Variants in PCDHGA11 observed in about 807,000 individuals in gnomAD.
The protein encoded by PCDHGA11 is protocadherin gamma subfamily A, 11.
In PCDHGA11, 39 loss-of-function variants were observed where a neutral mutation model predicts 60.4. That is an observed-to-expected ratio of 0.65 (90% CI 0.50 to 0.84). The LOEUF (loss-of-function observed/expected upper bound fraction) is 0.84. Among genes scored for constraint, PCDHGA11 ranks in the 40% least tolerant of loss-of-function variants. PCDHGA11 has a pLI of 0.00. For missense variants in PCDHGA11, 1,165 were observed against 1,197.7 expected (o/e 0.97, Z 0.40); for synonymous variants, 533 against 510.3 (o/e 1.04, Z -0.60).
intron 3 of PCDHGA11, among the ~76,000 whole-genome samples, chr5:141,509,419 T>C (rs2154594533): frequency 6.6e-6 from 1 of 152,216 alleles, no homozygotes; most frequent in South Asian, 2.1e-4. Flanking sequence ...CGAGCCCCAA[T>C]GAGTCAAACT....
Position 141,504,710 on chromosome 5 carries a change from G to A in PCDHGA11, c.2493-683G>A, listed in dbSNP as rs528205869. The stretch of plus-strand genomic sequence containing the variant: ...AGGAGGGGCAGGTTCTTCTATGGCC[G>A]TGGATTTTACTCTGAGGGCTTAGGA... On this transcript the variant is annotated intron_variant, in intron 2 of 3. Transcript: ENST00000398587. Among the ~76,000 whole-genome samples the A allele has an allele frequency of 1.4e-4, 21 of 151,968 alleles. No homozygotes were observed. The East Asian group carries it at 3.7e-3, about 27-fold the overall frequency.
At chr5:141,433,028 G>C in intron 1 of PCDHGA11, 1 of 1,614,116 alleles carries the variant, frequency 6.2e-7, no homozygotes, top group Non-Finnish European at 8.5e-7. Context: ...TTCCCACGAG[G>C]TTTCCCTCAC....
rs950537869 is a variant in PCDHGA11, at chr5:141,432,150, A to G, written c.2433+8490A>G. 6.2e-7 allele frequency: 1 copy of G among 1,614,010 alleles called. No homozygotes were observed. On this transcript the variant is annotated intron_variant, in intron 1 of 3. Coordinates refer to ENST00000398587, the MANE Select transcript of PCDHGA11 (RefSeq NM_018914.3). The surrounding 1 kb of genome is among the most constrained non-coding windows in gnomAD (Gnocchi z 6.0). ...TCCTATTCCGCTTATATCCCAGAGA[A>G]CAATCCCAGAGGAGTTTCCCTCGTC...
rs771088007 is a variant in PCDHGA11 at position 141,423,000 on chromosome 5, G to T, written c.1773G>T (p.Lys591Asn). Residue 591 changes from lysine to asparagine, a missense_variant, in exon 1 of 4, where the codon AAG becomes AAT. Coordinates refer to ENST00000398587, the MANE Select transcript of PCDHGA11 (RefSeq NM_018914.3). ...CGGAACCTGGCTACCTGGTGACCAA[G>T]GTGGTTGCGGTGGACAAAGATTCAG... ...RSAEPGYLVT[K>N]VVAVDKDSGQ... The T allele has an allele frequency of 2.5e-6, 4 of 1,614,116 alleles. No individual in the cohort carries two copies. The African/African-American group carries it at 5.3e-5, about 22-fold the overall frequency.
At chr5:141,455,160 G>GT (rs59530096) in intron 1 of PCDHGA11, among the ~76,000 whole-genome samples, 26,536 of 149,098 alleles carry the variant, frequency 0.18, 2,386 homozygotes, top group South Asian at 0.23. Flanking sequence ...TAGTTTGTTG[G>GT]TTTTTTTTTT....
intron 2 of PCDHGA11, among the ~76,000 whole-genome samples, chr5:141,496,500 C>T (rs1350421492): frequency 6.6e-6 from 1 of 152,162 alleles, no homozygotes; most frequent in Non-Finnish European, 1.5e-5. Flanking sequence ...ACCCTTGTTG[C>T]CACAAGGACC....
At chr5:141,435,435 T>G (rs2097763289) in intron 1 of PCDHGA11, among the ~76,000 whole-genome samples, 1 of 152,212 alleles carries the variant, frequency 6.6e-6, no homozygotes. Context: ...TGTTATGCAT[T>G]TCATTAATAC....
rs2099883868 is a variant in PCDHGA11 at position 141,511,590 on chromosome 5, A to G, written c.*417A>G. On this transcript the variant is annotated 3_prime_UTR_variant, in exon 4 of 4. Transcript: ENST00000398587. The stretch of plus-strand genomic sequence containing the variant: ...AGTAAGGTGGTTGGGGTGTTGAAGT[A>G]CCAAGTAACCTACAAGCCTCCTAGT... 3.7e-6 allele frequency: 1 copy of G among 267,908 alleles called. No individual in the cohort carries two copies. The highest frequency in any genetic ancestry group is 7.4e-6 in the Non-Finnish European group (1 of 135,038). 16.6% of individuals were successfully genotyped at this position (267,908 alleles called of 1,614,324 possible). A position where few individuals can be genotyped will look rare whatever the true frequency, so the allele number is the denominator to read the frequency against.
In PCDHGA11 at chr5:141,485,234, T is replaced by A. The variant is rs780126313; in HGVS notation, c.2434-9573T>A. 1 of 1,614,124 alleles carries A rather than the reference T, an allele frequency of 6.2e-7. No homozygotes were observed. The highest frequency in any genetic ancestry group is 1.1e-5 in the South Asian group (1 of 91,080). On this transcript the variant is annotated intron_variant, in intron 1 of 3. Transcript: ENST00000398587. This position sits in a 1 kb window ranked among gnomAD's most constrained non-coding sequence, Gnocchi z 5.7. ...GCGGTGGGCTACCCTTTTGTTCCTC[T>A]TTTACCACCTGGGTTACGTTTGTGG...
Position 141,432,593 on chromosome 5 carries a change from A to G in PCDHGA11, c.2433+8933A>G, listed in dbSNP as rs2097518945. ...GCTGTCCTACCGTCTGCTCAAGGCC[A>G]GCGAGCCGGGACTCTTCTCGGTGGG... On this transcript the variant is annotated intron_variant, in intron 1 of 3. Transcript: ENST00000398587. The surrounding 1 kb of genome is among the most constrained non-coding windows in gnomAD (Gnocchi z 6.0). 6.2e-7 allele frequency: 1 copy of G among 1,612,958 alleles called. No individual in the cohort carries two copies. Among genetic ancestry groups the G allele is most frequent in the Non-Finnish European group, 8.5e-7 (1 of 1,179,834 alleles).
At position 141,477,177 on chromosome 5, in the gene PCDHGA11, T is replaced by C; in HGVS notation, c.2434-17630T>C. The C allele has an allele frequency of 6.2e-7, 1 of 1,614,160 alleles. No individual in the cohort carries two copies. On this transcript the variant is annotated intron_variant, in intron 1 of 3. Coordinates refer to ENST00000398587, the MANE Select transcript of PCDHGA11 (RefSeq NM_018914.3). This position sits in a 1 kb window ranked among gnomAD's most constrained non-coding sequence, Gnocchi z 4.9. Reference sequence around the variant, plus strand: ...AATGACAACGCCCCGGAGATCACAGTCACCTCCGTGTACAGCCCAGTACCC... The same window carrying C: ...AATGACAACGCCCCGGAGATCACAGCCACCTCCGTGTACAGCCCAGTACCC...
chr5:141,498,805 C>T (rs1397026274), intron 2 of PCDHGA11, among the ~76,000 whole-genome samples: 1 of 152,000 alleles, frequency 6.6e-6, no homozygotes, highest in Non-Finnish European at 1.5e-5. Flanking sequence ...TGGTGGTGCA[C>T]ACCTGTAGTC....
chr5:141,507,601 A>G (rs2099861935), intron 3 of PCDHGA11, among the ~76,000 whole-genome samples: 1 of 152,254 alleles, frequency 6.6e-6, no homozygotes, highest in South Asian at 2.1e-4. Flanking sequence ...TGAGGGAAAT[A>G]AACAGGTATA....
chr5:141,450,052 G>C (rs2098667259), intron 1 of PCDHGA11, among the ~76,000 whole-genome samples: 1 of 141,832 alleles, frequency 7.1e-6, no homozygotes, highest in African/African-American at 2.7e-5. Flanking sequence ...TTTCGCCCAG[G>C]CTGGAATGCA....
intron 1 of PCDHGA11, 157 bp from the exon 2 acceptor site, chr5:141,494,650 T>G (rs1366776271): frequency 1.0e-6 from 1 of 960,138 alleles, no homozygotes; most frequent in East Asian, 1.1e-4. Context: ...CTGAGGTGTA[T>G]TTTGTCTTTG....
At position 141,476,980 on chromosome 5, in the gene PCDHGA11, C is replaced by T; in HGVS notation, c.2434-17827C>T. 6.2e-7 allele frequency: 1 copy of T among 1,614,232 alleles called. No individual in the cohort carries two copies. Among genetic ancestry groups the T allele is most frequent in the Non-Finnish European group, 8.5e-7 (1 of 1,180,044 alleles). On this transcript the variant is annotated intron_variant, in intron 1 of 3. Coordinates refer to ENST00000398587, the MANE Select transcript of PCDHGA11 (RefSeq NM_018914.3). This position sits in a 1 kb window ranked among gnomAD's most constrained non-coding sequence, Gnocchi z 7.6. Reference sequence around the variant, plus strand: ...TTTACTCCTTCGGCAGCCACAACCGCGCCGGCGTGCGGCAACTATTCGCCT... The same window carrying T: ...TTTACTCCTTCGGCAGCCACAACCGTGCCGGCGTGCGGCAACTATTCGCCT...
In PCDHGA11 at chr5:141,423,065, G is replaced by C; in HGVS notation, c.1838G>C (p.Ser613Thr). 1 of 1,614,138 alleles carries C rather than the reference G, an allele frequency of 6.2e-7. No homozygotes were observed. The highest frequency in any genetic ancestry group is 8.5e-7 in the Non-Finnish European group (1 of 1,180,032). ...AWLSYRLLKA[S>T]EPGLFAVGEH... ...CTGTCCTATCGCCTGCTTAAGGCCA[G>C]CGAGCCGGGACTCTTCGCGGTGGGG... Residue 613 changes from serine (S) to threonine (T), a missense_variant, in exon 1 of 4, where the codon AGC becomes ACC. By Grantham distance (58) the Ser-to-Thr change is moderately conservative. Coordinates refer to ENST00000398587, the MANE Select transcript of PCDHGA11 (RefSeq NM_018914.3).
chr5:141,467,532 T>G (rs2099145568), intron 1 of PCDHGA11, among the ~76,000 whole-genome samples: 1 of 152,234 alleles, frequency 6.6e-6, no homozygotes, highest in Non-Finnish European at 1.5e-5. Flanking sequence ...TGTGCTGAGA[T>G]ATGGATCTGA....
chr5:141,422,871 G>T lies in PCDHGA11; in HGVS notation c.1644G>T (p.Ser548=), dbSNP rs769543752. The change falls in exon 1 of 4, where the codon TCG becomes TCT. Residue 548 remains serine, a synonymous_variant. Transcript: ENST00000398587. The stretch of plus-strand genomic sequence containing the variant: ...ACCCGCCCCTCAGCAGCAACGTGTC[G>T]CTGAGCCTGTTCGTGCTGGACCAGA... ...SGDPPLSSNV[S]LSLFVLDQND... 3.7e-6 allele frequency: 6 copies of T among 1,614,098 alleles called. No homozygotes were observed. Among genetic ancestry groups the T allele is most frequent in the Non-Finnish European group, 5.1e-6 (6 of 1,180,056 alleles).
Sources: gnomAD v4.1 joint callset for allele counts (sites outside exome capture counted in the v4.1 genomes callset) on GRCh38, gnomAD v4.1.1 for gene constraint, Gnocchi (gnomAD v3.1) non-coding constraint, MANE v1.5 for transcripts, NCBI Gene and HGNC (gene_info 2026-07-23, HGNC 2026-07-21) for gene names.